C12orf43: variants seen among roughly 807,000 people sequenced by gnomAD.
The protein encoded by C12orf43 is chromosome 12 open reading frame 43.
A neutral mutation model predicts 20.6 loss-of-function variants in C12orf43; 15 were observed. The observed-to-expected ratio is 0.73, with a 90% confidence interval of 0.49 to 1.12. The LOEUF (loss-of-function observed/expected upper bound fraction) is 1.12. Among genes scored for constraint, C12orf43 ranks in the 50% most tolerant of loss-of-function variants. The pLI, the probability that C12orf43 is intolerant of heterozygous loss-of-function variation, is 0.00. For synonymous variants in C12orf43, 144 were observed against 130.8 expected, an observed-to-expected ratio of 1.10 and a Z score of -0.69; for missense variants, 334 against 344.4, an observed-to-expected ratio of 0.97 and a Z score of 0.24.
In C12orf43 at chr12:121,002,240, G is replaced by A; in HGVS notation, c.*1913C>T. 2.3e-6 allele frequency: 1 copy of A among 440,634 alleles called. No homozygotes were observed. Among genetic ancestry groups the A allele is most frequent in the South Asian group, 2.0e-5 (1 of 49,428 alleles). The allele number at this position is 440,634 out of a possible 1,614,324, so 27.3% of individuals were successfully genotyped here. ...AGGACTAACACTCAGAAGCCTGGGGGCCTGGCTGGCTGAGGGCAGTTCGCA... is the reference window on the plus strand; with the variant it reads ...AGGACTAACACTCAGAAGCCTGGGGACCTGGCTGGCTGAGGGCAGTTCGCA... On this transcript the variant is annotated 3_prime_UTR_variant, in exon 6 of 6. Transcript: ENST00000288757.
chr12:121,005,018 T>G lies in C12orf43; in HGVS notation c.437A>C (p.Gln146Pro). The G allele has an allele frequency of 6.5e-7, 1 of 1,541,480 alleles. No homozygotes were observed. The highest frequency in any genetic ancestry group is 8.7e-7 in the Non-Finnish European group (1 of 1,145,022). The part of the protein sequence containing the change: ...EESPQPRRKR[Q>P]PSSSSEDSDE... ...GAGTTCTCACCTGGAGCTGGAGGGC[T>G]GTCGCTTTCGGCGGGGTTGGGGAGA... Residue 146 changes from glutamine to proline, a missense_variant, in exon 5 of 6, where the codon CAG (glutamine) becomes CCG (proline). Transcript: ENST00000288757. The surrounding 1 kb of genome is among the most constrained non-coding windows in gnomAD (Gnocchi z 5.6).
Position 121,001,228 on chromosome 12 carries a change from C to T in C12orf43, c.*2925G>A, listed in dbSNP as rs1274601944. The T allele has an allele frequency of 6.2e-7, 1 of 1,611,880 alleles. No individual in the cohort carries two copies. Among genetic ancestry groups the T allele is most frequent in the Non-Finnish European group, 8.5e-7 (1 of 1,179,222 alleles). On this transcript the variant is annotated 3_prime_UTR_variant, in exon 6 of 6. Transcript: ENST00000288757. ...TGGGCCCTGGGGCCTGTACTGCCTG[C>T]TTGGGGGGTGATGAGGGCAGCAGCC...
chr12:121,016,200 A>AC, intron 1 of C12orf43, 130 bp downstream of exon 1: 1 of 1,386,452 alleles, frequency 7.2e-7, no homozygotes, highest in Non-Finnish European at 1.0e-6. Context: ...TCTGCACTAC[A>AC]CCCAGTCCCT....
chr12:121,005,131 CAAAACA>C lies in C12orf43; in HGVS notation c.362-44_362-39del. 3 of 1,002,978 alleles carry C rather than the reference CAAAACA, an allele frequency of 3.0e-6. No individual in the cohort carries two copies. The highest frequency in any genetic ancestry group is 3.9e-6 in the Non-Finnish European group (3 of 769,516). 62.1% of individuals were successfully genotyped at this position (1,002,978 alleles called of 1,614,324 possible). A position where few individuals can be genotyped will look rare whatever the true frequency, so the allele number is the denominator to read the frequency against. On this transcript the variant is annotated intron_variant, in intron 4 of 5. Transcript: ENST00000288757. The surrounding 1 kb of genome is among the most constrained non-coding windows in gnomAD (Gnocchi z 5.6). ...GGGGCAGAGTCAAACAAAAACAAAA[CAAAACA>C]AAAAGAAACATAAAAAAATAAAAAA...
At chr12:121,013,395 A>C (rs1868584560) in intron 1 of C12orf43, among the ~76,000 whole-genome samples, 1 of 152,206 alleles carries the variant, frequency 6.6e-6, no homozygotes, top group Admixed American at 6.5e-5. Context: ...ATGCCGGGCA[A>C]GTCACTTTCT....
chr12:121,004,466 C>T lies in C12orf43; in HGVS notation c.476G>A (p.Arg159Gln), dbSNP rs201089813. The change falls in exon 6 of 6, where the codon CGG becomes CAG. Residue 159 changes from arginine (R) to glutamine (Q), a missense_variant. Physicochemically the swap from Arg to Gln is conservative, Grantham distance 43. Coordinates refer to ENST00000288757, the MANE Select transcript of C12orf43 (RefSeq NM_022895.3). This position sits in a 1 kb window ranked among gnomAD's most constrained non-coding sequence, Gnocchi z 5.6. ...CGACACAGCTGCCTCCCGGCACCGC[C>T]GCCACTCCTCGTCACTGTCCTCACT... ...SSSEDSDEEW[R>Q]RCREAAVSAS... The T allele has an allele frequency of 2.5e-6, 4 of 1,608,276 alleles. No homozygotes were observed. Among genetic ancestry groups the T allele is most frequent in the South Asian group, 1.1e-5 (1 of 90,564 alleles).
At position 121,006,091 on chromosome 12, in the gene C12orf43, C is replaced by G. The variant is rs1877991616; in HGVS notation, c.361+230G>C. The stretch of plus-strand genomic sequence containing the variant: ...ATTAGCCAGGGGTGGTGGTGTGTGT[C>G]TGTGGTCCCAGCTACTCAGGAAGCT... On this transcript the variant is annotated intron_variant, in intron 4 of 5. Coordinates refer to ENST00000288757, the MANE Select transcript of C12orf43 (RefSeq NM_022895.3). 41 of 481,638 alleles carry G rather than the reference C, an allele frequency of 8.5e-5. 2 individuals carry two copies. In the South Asian group the frequency reaches 1.1e-3, roughly 12 times the overall value. 29.8% of individuals were successfully genotyped at this position (481,638 alleles called of 1,614,324 possible).
At chr12:121,014,263 C>T (rs1321206102) in intron 1 of C12orf43, among the ~76,000 whole-genome samples, 3 of 151,898 alleles carry the variant, frequency 2.0e-5, no homozygotes, top group East Asian at 3.9e-4. Context: ...GCTTGGGAGG[C>T]GGAGGTTGCA....
In C12orf43 at chr12:121,016,174, C is replaced by T. The variant is rs560907681; in HGVS notation, c.145+156G>A. On this transcript the variant is annotated intron_variant, in intron 1 of 5. Transcript: ENST00000288757. Reference sequence around the variant, plus strand: ...TAATGAAATACCCTCCCTACTGCACCTGCCCATGCTTTCAATCTGCACTAC... The same window carrying T: ...TAATGAAATACCCTCCCTACTGCACTTGCCCATGCTTTCAATCTGCACTAC... The T allele has an allele frequency of 2.7e-5, 30 of 1,130,950 alleles. No homozygotes were observed. In the South Asian group the frequency reaches 3.4e-4, roughly 13 times the overall value. The allele number at this position is 1,130,950 out of a possible 1,614,324, so 70.1% of individuals were successfully genotyped here.
chr12:121,011,892 T>A (rs995791882), intron 1 of C12orf43, among the ~76,000 whole-genome samples: 10 of 152,240 alleles, frequency 6.6e-5, no homozygotes, highest in Admixed American at 3.3e-4. Flanking sequence ...AGATACTGAA[T>A]GCCTTTTATT....
Position 121,003,131 on chromosome 12 carries a change from AT to A in C12orf43, c.*1021del. The A allele has an allele frequency of 6.6e-6, 1 of 150,682 alleles. No homozygotes were observed. The highest frequency in any genetic ancestry group is 6.6e-5 in the Admixed American group (1 of 15,040). The allele number at this position is 150,682 out of a possible 1,614,324, so 9.3% of individuals were successfully genotyped here. A position where few individuals can be genotyped will look rare whatever the true frequency, so the allele number is the denominator to read the frequency against. On this transcript the variant is annotated 3_prime_UTR_variant, in exon 6 of 6. Transcript: ENST00000288757. Reference sequence around the variant, plus strand: ...AACCTGCACCTCCTGGGTTCAAGCGATTCTCCCACCTCAGCCTCCTGAGTAG... The same window carrying A: ...AACCTGCACCTCCTGGGTTCAAGCGATCTCCCACCTCAGCCTCCTGAGTAG...
In C12orf43 at chr12:121,001,353, G is replaced by GCGC; in HGVS notation, c.*2799_*2800insGCG. The stretch of plus-strand genomic sequence containing the variant: ...TGCTCTGATGCATCAGAAAGGGAGG[G>GCGC]CTCTGAGGCGCCCCAACCCGTGGAG... On this transcript the variant is annotated 3_prime_UTR_variant, in exon 6 of 6. Transcript: ENST00000288757. The GCGC allele has an allele frequency of 1.1e-6, 1 of 901,622 alleles. No individual in the cohort carries two copies. The highest frequency in any genetic ancestry group is 2.7e-5 in the East Asian group (1 of 37,676). The allele number at this position is 901,622 out of a possible 1,614,324, so 55.9% of individuals were successfully genotyped here.
chr12:121,006,065 A>T, intron 4 of C12orf43: 2 of 399,508 alleles, frequency 5.0e-6, no homozygotes, highest in Non-Finnish European at 4.5e-6. Context: ...AAACATAAAT[A>T]ATTAGCCAGG....
In C12orf43 at chr12:121,004,230, T is replaced by C. The variant is rs1389225767; in HGVS notation, c.712A>G (p.Lys238Glu). 6.2e-7 allele frequency: 1 copy of C among 1,614,220 alleles called. No individual in the cohort carries two copies. Among genetic ancestry groups the C allele is most frequent in the South Asian group, 1.1e-5 (1 of 91,080 alleles). The change falls in exon 6 of 6, where the codon AAG (lysine) becomes GAG (glutamate). Residue 238 changes from lysine to glutamate, a missense_variant. Lys to Glu is a moderately conservative substitution (Grantham distance 56). Transcript: ENST00000288757. This position sits in a 1 kb window ranked among gnomAD's most constrained non-coding sequence, Gnocchi z 5.6. ...GDQVSLGTKK[K>E]KKAKKASETS... The stretch of plus-strand genomic sequence containing the variant: ...TCGCTGGCCTTCTTTGCCTTTTTCT[T>C]CTTTTTGGTCCCAAGCGACACCTGG...
intron 1 of C12orf43, chr12:121,012,529 G>C (rs1868470590): frequency 1.4e-6 from 1 of 701,566 alleles, no homozygotes; most frequent in South Asian, 1.5e-5. Flanking sequence ...GTGGTGAGAA[G>C]TGGGTGAACT....
At position 121,005,044 on chromosome 12, in the gene C12orf43, CTCTT is replaced by C. The variant is rs755479522; in HGVS notation, c.407_410del (p.Glu136GlyfsTer57). The C allele has an allele frequency of 6.6e-6, 10 of 1,516,160 alleles. No homozygotes were observed. In the East Asian group the frequency reaches 2.4e-4, roughly 37 times the overall value. 93.9% of individuals were successfully genotyped at this position (1,516,160 alleles called of 1,614,324 possible). On this transcript the variant is annotated frameshift_variant, in exon 5 of 6. Coordinates refer to ENST00000288757, the MANE Select transcript of C12orf43 (RefSeq NM_022895.3). LOFTEE classifies it low-confidence loss of function (END_TRUNC). This position sits in a 1 kb window ranked among gnomAD's most constrained non-coding sequence, Gnocchi z 5.6. ...GTCGCTTTCGGCGGGGTTGGGGAGA[CTCTT>C]CCTTCTCACGGCCTCCAGGGACAGA...
chr12:121,011,226 G>T, intron 1 of C12orf43, 80 bp from the exon 2 acceptor site: 1 of 1,236,080 alleles, frequency 8.1e-7, no homozygotes, highest in Non-Finnish European at 1.2e-6. Flanking sequence ...ACTATTTTCA[G>T]CAGCTTAAAA....
intron 1 of C12orf43, chr12:121,012,436 T>C (rs1868457854): frequency 1.4e-6 from 1 of 702,472 alleles, no homozygotes; most frequent in Non-Finnish European, 2.6e-6. Flanking sequence ...TGACCTGGGT[T>C]TTGACAGAAC....
chr12:121,012,849 T>TAAAAAAAAAAAAAAAAAAA (rs10636003), intron 1 of C12orf43, among the ~76,000 whole-genome samples: 7 of 91,970 alleles, frequency 7.6e-5, no homozygotes, highest in South Asian at 3.2e-4. Context: ...AGACTCCGTC[T>TAAAAAAAAAAAAAAAAAAA]AAAAAAAAAA....
Sources: allele counts gnomAD v4.1 joint callset (sites outside exome capture counted in the v4.1 genomes callset), GRCh38; gene constraint gnomAD v4.1.1; non-coding constraint Gnocchi (gnomAD v3.1); transcripts MANE v1.5; gene names NCBI Gene and HGNC (gene_info 2026-07-23, HGNC 2026-07-21).